Variants in NPHP3 observed in about 807,000 individuals in gnomAD.
The protein encoded by NPHP3 is nephrocystin-3.
Under a neutral mutation model 171.9 loss-of-function variants are expected in NPHP3, and 123 were observed. That is an observed-to-expected ratio of 0.72 (90% CI 0.62 to 0.83). The LOEUF (loss-of-function observed/expected upper bound fraction) is 0.83. Among genes scored for constraint, NPHP3 ranks in the 40% least tolerant of loss-of-function variants. NPHP3 has a pLI of 0.00. For missense variants in NPHP3, 1,506 were observed against 1,591.9 expected (o/e 0.95, Z 0.92); for synonymous variants, 558 against 579.2 (o/e 0.96, Z 0.52).
chr3:132,701,357 T>C, intron 10 of NPHP3, 73 bp downstream of exon 10: 1 of 1,029,824 alleles, frequency 9.7e-7, no homozygotes. Flanking sequence ...AAGGCAGGCA[T>C]GCAATACATT....
chr3:132,708,954 A>G (rs149590891), intron 6 of NPHP3, among the ~76,000 whole-genome samples: 44 of 152,330 alleles, frequency 2.9e-4, no homozygotes, highest in African/African-American at 8.4e-4. Context: ...AGAATTCTTG[A>G]ACCTATGTAG....
At chr3:132,716,626 G>A in intron 4 of NPHP3, 131 bp downstream of exon 4, 1 of 970,774 alleles carries the variant, frequency 1.0e-6, no homozygotes, top group South Asian at 1.4e-5. Flanking sequence ...CTGTATGATG[G>A]TTTGTCAATG....
chr3:132,699,303 G>C (rs376822334), intron 13 of NPHP3, 50 bp downstream of exon 13: 100 of 1,272,036 alleles, frequency 7.9e-5, no homozygotes, highest in Non-Finnish European at 1.1e-4. Context: ...TTCCTTGTTT[G>C]TACTTAAAAC....
Position 132,713,251 on chromosome 3 carries a change from T to C in NPHP3, c.993A>G (p.Thr331=), listed in dbSNP as rs1939961664. Residue 331 remains threonine, a synonymous_variant, in exon 6 of 27, where the codon ACA becomes ACG. Coordinates refer to ENST00000337331, the MANE Select transcript of NPHP3 (RefSeq NM_153240.5). ...YSPKLKRMCE[T]MGYFFHAVYF... ...AAACAGCATGGAAAAAATATCCCAT[T>C]GTCTCGCACATTCTCTTAAGTTTAG... is the stretch of plus-strand genomic sequence containing the variant. 6.9e-6 allele frequency: 11 copies of C among 1,604,538 alleles called. No individual in the cohort carries two copies. The highest frequency in any genetic ancestry group is 9.4e-6 in the Non-Finnish European group (11 of 1,174,826).
chr3:132,707,316 T>C (rs1028139865), intron 7 of NPHP3, among the ~76,000 whole-genome samples: 1 of 152,042 alleles, frequency 6.6e-6, no homozygotes, highest in Non-Finnish European at 1.5e-5. Flanking sequence ...TTTAACAAAG[T>C]AGCCAGGCAT....
Position 132,715,179 on chromosome 3 carries a change from G to GTAAC in NPHP3, c.859_862dup (p.Thr288SerfsTer12). ...CCACAGAGAATGTGAAAACAGAGGA[G>GTAAC]TAACTTGTAATAAACTAGCTACAGC... is the stretch of plus-strand genomic sequence containing the variant. On this transcript the variant is annotated frameshift_variant, in exon 5 of 27. Transcript: ENST00000337331. LOFTEE classifies it high-confidence loss of function. The GTAAC allele has an allele frequency of 3.1e-6, 5 of 1,611,600 alleles. No homozygotes were observed. The highest frequency in any genetic ancestry group is 4.2e-6 in the Non-Finnish European group (5 of 1,177,820).
At chr3:132,705,573 T>TA (rs1309012663) in intron 8 of NPHP3, 167 bp downstream of exon 8, 1 of 556,484 alleles carries the variant, frequency 1.8e-6, no homozygotes, top group African/African-American at 1.9e-5. Flanking sequence ...ATGGTCCTAG[T>TA]AATACTAAGA....
intron 13 of NPHP3, 122 bp from the exon 14 acceptor site, chr3:132,697,484 A>C: frequency 3.0e-6 from 2 of 666,810 alleles, no homozygotes; most frequent in Non-Finnish European, 5.3e-6. Flanking sequence ...TAAAATAAGC[A>C]AAACTAATGT....
In NPHP3 at chr3:132,713,013, T is replaced by C; in HGVS notation, c.1118+113A>G. On this transcript the variant is annotated intron_variant, in intron 6 of 26. Transcript: ENST00000337331. ...CAGTTGTAGAATTTATTGAATTTCA[T>C]GGATTTTTTTATTATAAGGATGCAA... 4 of 552,574 alleles carry C rather than the reference T, an allele frequency of 7.2e-6. No homozygotes were observed. In the South Asian group the frequency reaches 1.2e-4, roughly 16 times the overall value. 34.2% of individuals were successfully genotyped at this position (552,574 alleles called of 1,614,324 possible).
At chr3:132,688,187 A>T (rs2107966962) in intron 21 of NPHP3, among the ~76,000 whole-genome samples, 1 of 152,356 alleles carries the variant, frequency 6.6e-6, no homozygotes, top group Middle Eastern at 3.4e-3. Context: ...ACTGTGTTTT[A>T]TGCACAAATT....
At chr3:132,712,551 G>A in intron 6 of NPHP3, 1 of 447,144 alleles carries the variant, frequency 2.2e-6, no homozygotes, top group Non-Finnish European at 4.5e-6. Flanking sequence ...GGGATCACAA[G>A]GTTAGGAGAT....
In NPHP3 at chr3:132,684,919, G is replaced by A. The variant is rs990112664; in HGVS notation, c.3330-125C>T. 7.4e-6 allele frequency: 9 copies of A among 1,221,212 alleles called. No individual in the cohort carries two copies. In the African/African-American group the frequency reaches 1.4e-4, roughly 18 times the overall value. The allele number at this position is 1,221,212 out of a possible 1,614,324, so 75.6% of individuals were successfully genotyped here. The stretch of plus-strand genomic sequence containing the variant: ...GATTCTAGTTAAAATAAGAGATTCA[G>A]CTCAAAATCTTACTTTCCCCCTCTT... On this transcript the variant is annotated intron_variant, in intron 23 of 26. Transcript: ENST00000337331.
intron 23 of NPHP3, chr3:132,685,176 T>C: frequency 4.0e-6 from 1 of 247,450 alleles, no homozygotes; most frequent in South Asian, 5.0e-5. Context: ...TGTTTTTTTG[T>C]ATGTGTGCGT....
intron 3 of NPHP3, 117 bp from the exon 4 acceptor site, chr3:132,717,026 C>G (rs987835420): frequency 2.6e-6 from 3 of 1,150,612 alleles, no homozygotes; most frequent in Non-Finnish European, 3.7e-6. Flanking sequence ...TACAAATATT[C>G]AAATGATTTT....
At chr3:132,704,138 T>C (rs1285354236) in intron 9 of NPHP3, 60 bp downstream of exon 9, 4 of 1,470,548 alleles carry the variant, frequency 2.7e-6, no homozygotes, top group Non-Finnish European at 3.8e-6. Flanking sequence ...GAAAATACAA[T>C]CATAATACAG....
chr3:132,692,935 A>C (rs1939337290), intron 16 of NPHP3, 117 bp from the exon 17 acceptor site: 1 of 797,386 alleles, frequency 1.3e-6, no homozygotes, highest in African/African-American at 1.7e-5. Flanking sequence ...TTATAATTCA[A>C]ATGATTTAAT....
In NPHP3 at chr3:132,682,812, GTTTT is replaced by G; in HGVS notation, c.3699_3702del (p.Lys1233AsnfsTer13). ...TCATATAATGGCAAAGCTTCAACGT[GTTTT>G]TTCTTATTAAAAAAAATGATAATGC... On this transcript the variant is annotated frameshift_variant and splice_region_variant, in exon 26 of 27. Coordinates refer to ENST00000337331, the MANE Select transcript of NPHP3 (RefSeq NM_153240.5). LOFTEE classifies it high-confidence loss of function. The G allele has an allele frequency of 1.2e-6, 2 of 1,600,910 alleles. No homozygotes were observed. Among genetic ancestry groups the G allele is most frequent in the Non-Finnish European group, 1.7e-6 (2 of 1,168,112 alleles).
Position 132,700,416 on chromosome 3 carries a change from G to A in NPHP3, c.1661C>T (p.Thr554Ile). The change falls in exon 11 of 27, where the codon ACA becomes ATA. Residue 554 changes from threonine to isoleucine, a missense_variant. Coordinates refer to ENST00000337331, the MANE Select transcript of NPHP3 (RefSeq NM_153240.5). The part of the protein sequence containing the change: ...IQLQQKNSPN[T>I]LILSHFVGRP... ...TCCCACAAAATGGGAAAGAATCAGT[G>A]TGTTGGGGGAATTCTTCTGTTGTAA... 1 of 1,612,020 alleles carries A rather than the reference G, an allele frequency of 6.2e-7. No individual in the cohort carries two copies. Among genetic ancestry groups the A allele is most frequent in the Non-Finnish European group, 8.5e-7 (1 of 1,178,878 alleles).
At chr3:132,698,528 T>G (rs1939518268) in intron 13 of NPHP3, among the ~76,000 whole-genome samples, 1 of 152,084 alleles carries the variant, frequency 6.6e-6, no homozygotes, top group South Asian at 2.1e-4. Flanking sequence ...CCACCCGCCC[T>G]GGCCTCCCGA....
Sources: gnomAD v4.1 joint callset for allele counts (sites outside exome capture counted in the v4.1 genomes callset) on GRCh38, gnomAD v4.1.1 for gene constraint, MANE v1.5 for transcripts, NCBI Gene and HGNC (gene_info 2026-07-23, HGNC 2026-07-21) for gene names.